The following KIF20B variants were observed in gnomAD, a reference collection of about 807,000 sequenced individuals.
KIF20B encodes kinesin-like protein KIF20B.
KIF20B carries 188 observed loss-of-function variants against 232.5 expected under a neutral mutation model. That is an observed-to-expected ratio of 0.81 (90% CI 0.72 to 0.91). The LOEUF is 0.91. KIF20B is among the 40% of genes least tolerant of loss of function. The probability of loss-of-function intolerance (pLI) is 0.00; values close to 1 mark genes in which losing one functional copy is unlikely to be tolerated. For synonymous variants in KIF20B, 712 were observed against 683.0 expected (o/e 1.04, Z -0.66); for missense variants, 2,154 against 2,055.9 (o/e 1.05, Z -0.92).
At chr10:89,744,018 C>T (rs1841860613) in intron 22 of KIF20B, 91 bp downstream of exon 22, 3 of 995,832 alleles carry the variant, frequency 3.0e-6, no homozygotes, top group Non-Finnish European at 4.3e-6. Context: ...TTAATAACAT[C>T]CTGTTTTGAC....
intron 1 of KIF20B, among the ~76,000 whole-genome samples, chr10:89,704,244 G>A (rs1842675934): frequency 6.6e-6 from 1 of 152,064 alleles, no homozygotes; most frequent in Non-Finnish European, 1.5e-5. Context: ...TAGTTTGGGA[G>A]TCACTGATCT....
At chr10:89,708,554 CT>C (rs1842774371) in intron 2 of KIF20B, among the ~76,000 whole-genome samples, 1 of 140,180 alleles carries the variant, frequency 7.1e-6, no homozygotes, top group Non-Finnish European at 1.5e-5. Flanking sequence ...TGTTAAACTA[CT>C]AGGGCCTGAA....
intron 25 of KIF20B, among the ~76,000 whole-genome samples, chr10:89,754,276 T>C (rs955579871): frequency 6.6e-6 from 1 of 152,066 alleles, no homozygotes; most frequent in Non-Finnish European, 1.5e-5. Flanking sequence ...AGGTCACTGA[T>C]AAAAGTATTT....
At chr10:89,718,258 T>TAA (rs1842976299) in intron 11 of KIF20B, among the ~76,000 whole-genome samples, 1 of 152,116 alleles carries the variant, frequency 6.6e-6, no homozygotes, top group Non-Finnish European at 1.5e-5. Flanking sequence ...GCATGGTGGC[T>TAA]TATGCCTGTA....
intron 7 of KIF20B, among the ~76,000 whole-genome samples, chr10:89,714,679 A>G (rs1278304687): frequency 1.3e-5 from 2 of 152,222 alleles, no homozygotes; most frequent in Non-Finnish European, 2.9e-5. Context: ...TTAATATTGA[A>G]TTTGAAAGAC....
chr10:89,765,870 C>T (rs193148259), intron 29 of KIF20B, among the ~76,000 whole-genome samples: 3,734 of 152,156 alleles, frequency 0.025, 143 homozygotes, highest in African/African-American at 0.084. Flanking sequence ...CCGAGAGATC[C>T]GCTGTTAGTC....
Position 89,717,678 on chromosome 10 carries a change from T to A in KIF20B, c.1227T>A (p.Thr409=). ...GGAATATCAACACTTCTTTATTGAC[T>A]CTGGGAAAGTGTATTAACGTCTTGA... The part of the protein sequence containing the change: ...ETGNINTSLL[T]LGKCINVLKN... The change falls in exon 11 of 33, where the codon ACT becomes ACA. Residue 409 remains threonine, a synonymous_variant. Transcript: ENST00000371728. The A allele has an allele frequency of 6.2e-7, 1 of 1,608,978 alleles. No homozygotes were observed. Among genetic ancestry groups the A allele is most frequent in the South Asian group, 1.1e-5 (1 of 90,132 alleles).
At chr10:89,703,530 G>A (rs1209661759) in intron 1 of KIF20B, among the ~76,000 whole-genome samples, 1 of 152,180 alleles carries the variant, frequency 6.6e-6, no homozygotes, top group Non-Finnish European at 1.5e-5. Context: ...CCTAAATGAT[G>A]TTGCACAGTG....
chr10:89,731,998 A>G (rs775354379), intron 18 of KIF20B, among the ~76,000 whole-genome samples: 4 of 152,136 alleles, frequency 2.6e-5, no homozygotes, highest in Non-Finnish European at 2.9e-5. Context: ...ATTGATTGCT[A>G]CAAGTTTCTG....
intron 2 of KIF20B, among the ~76,000 whole-genome samples, chr10:89,707,498 TTTC>T (rs1406952117): frequency 2.0e-5 from 3 of 146,370 alleles, no homozygotes; most frequent in Admixed American, 6.9e-5. Context: ...ATTTCCTTTT[TTTC>T]TTTCCATTTT....
At chr10:89,732,145 G>A (rs1009608447) in intron 18 of KIF20B, among the ~76,000 whole-genome samples, 5 of 145,762 alleles carry the variant, frequency 3.4e-5, no homozygotes, top group African/African-American at 1.3e-4. Flanking sequence ...CTTTTTAGAG[G>A]TAGGGTCTCA....
chr10:89,714,234 A>T (rs1228955977), intron 7 of KIF20B, 151 bp downstream of exon 7: 15 of 326,434 alleles, frequency 4.6e-5, no homozygotes, highest in Non-Finnish European at 8.3e-5. Context: ...TAATCCCAGC[A>T]CTTTGGGAGG....
intron 27 of KIF20B, 46 bp downstream of exon 27, chr10:89,758,928 T>A: frequency 8.6e-7 from 1 of 1,169,158 alleles, no homozygotes; most frequent in Non-Finnish European, 1.2e-6. Flanking sequence ...ACATAGTAAT[T>A]ACTTAATTGA....
Position 89,774,268 on chromosome 10 carries a change from A to G in KIF20B, c.*220A>G, listed in dbSNP as rs182074703. On this transcript the variant is annotated 3_prime_UTR_variant, in exon 33 of 33. Transcript: ENST00000371728. Reference sequence around the variant, plus strand: ...TTCTTTCAAACTGTATTTCCCTATTATCTCAGACATTGGATCAGTGAAGAT... The same window carrying G: ...TTCTTTCAAACTGTATTTCCCTATTGTCTCAGACATTGGATCAGTGAAGAT... 164 of 307,782 alleles carry G rather than the reference A, an allele frequency of 5.3e-4. No homozygotes were observed. The highest frequency in any genetic ancestry group is 3.7e-3 in the Middle Eastern group (4 of 1,084). 19.1% of individuals were successfully genotyped at this position (307,782 alleles called of 1,614,324 possible).
rs537455918 is a variant in KIF20B at position 89,742,735 on chromosome 10, T to C, written c.3916-1073T>C. Among the ~76,000 whole-genome samples, 4 of 144,978 alleles carry C rather than the reference T, an allele frequency of 2.8e-5. No homozygotes were observed. In the South Asian group the frequency reaches 9.2e-4, roughly 33 times the overall value. ...TTTTTTTTTGGGCGGAGTCTCACTC[T>C]GTTGCCCAGGCTGGAGTGCAGTGGC... is the stretch of plus-strand genomic sequence containing the variant. On this transcript the variant is annotated intron_variant, in intron 21 of 32. Coordinates refer to ENST00000371728, the MANE Select transcript of KIF20B (RefSeq NM_001284259.2).
In KIF20B at chr10:89,718,848, G is replaced by A; in HGVS notation, c.1410G>A (p.Leu470=). The change falls in exon 12 of 33, where the codon TTG becomes TTA. Residue 470 remains leucine (L), a synonymous_variant. Coordinates refer to ENST00000371728, the MANE Select transcript of KIF20B (RefSeq NM_001284259.2). ...YLAYDETLNV[L]KFSAIAQKVC... Reference sequence around the variant, plus strand: ...CCTATGATGAAACACTCAATGTATTGAAGTTCTCCGCCATTGCACAAAAAG... The same window carrying A: ...CCTATGATGAAACACTCAATGTATTAAAGTTCTCCGCCATTGCACAAAAAG... 2 of 1,581,672 alleles carry A rather than the reference G, an allele frequency of 1.3e-6. No homozygotes were observed. Among genetic ancestry groups the A allele is most frequent in the Non-Finnish European group, 1.7e-6 (2 of 1,164,734 alleles).
At chr10:89,718,904 T>C (rs774355104) in intron 12 of KIF20B, 32 bp downstream of exon 12, 2 of 1,289,486 alleles carry the variant, frequency 1.6e-6, no homozygotes, top group South Asian at 3.0e-5. Flanking sequence ...CCTCTTATTA[T>C]TAGAATATTA....
chr10:89,733,111 TAA>T (rs749837736), intron 19 of KIF20B, 55 bp downstream of exon 19: 1 of 1,582,416 alleles, frequency 6.3e-7, no homozygotes, highest in Admixed American at 1.7e-5. Flanking sequence ...TCTAAACCAG[TAA>T]ATAGAACAAG....
intron 2 of KIF20B, among the ~76,000 whole-genome samples, chr10:89,707,120 A>G (rs1248143297): frequency 1.3e-5 from 2 of 152,184 alleles, no homozygotes; most frequent in Non-Finnish European, 2.9e-5. Flanking sequence ...TCTTTTGTCA[A>G]ATATATTTAT....
Sources: gnomAD v4.1 joint callset for allele counts (sites outside exome capture counted in the v4.1 genomes callset) on GRCh38, gnomAD v4.1.1 for gene constraint, MANE v1.5 for transcripts, NCBI Gene and HGNC (gene_info 2026-07-23, HGNC 2026-07-21) for gene names.